The following CDKL3 variants were observed in gnomAD, a reference collection of about 807,000 sequenced individuals.
CDKL3 encodes the protein cyclin dependent kinase like 3, also known as cyclin-dependent kinase-like 3.
In CDKL3, 65 loss-of-function variants were observed where a neutral mutation model predicts 69.3. The observed-to-expected ratio is 0.94, with a 90% CI of 0.77 to 1.15. CDKL3 has a LOEUF of 1.15. Ranked by LOEUF, CDKL3 falls within the 50% of genes most tolerant of loss-of-function variation. CDKL3 has a pLI of 0.00. For missense variants in CDKL3, 652 were observed against 689.2 expected, an observed-to-expected ratio of 0.95 and a Z score of 0.61; for synonymous variants, 202 against 221.6, an observed-to-expected ratio of 0.91 and a Z score of 0.79.
chr5:134,284,724 G>T (rs956155266), downstream of CDKL3, among the ~76,000 whole-genome samples: 5 of 152,150 alleles, frequency 3.3e-5, no homozygotes, highest in African/African-American at 1.2e-4. Flanking sequence ...CTTTCCCAGG[G>T]TTATTCCTTG....
chr5:134,330,824 G>A (rs1010216039), intron 4 of CDKL3, among the ~76,000 whole-genome samples: 3 of 152,192 alleles, frequency 2.0e-5, no homozygotes, highest in African/African-American at 4.8e-5. Context: ...AAAATGCCTT[G>A]AGCATCCCAA....
intron 2 of CDKL3, among the ~76,000 whole-genome samples, chr5:134,364,715 A>G (rs939312695): frequency 1.3e-5 from 2 of 151,276 alleles, no homozygotes; most frequent in African/African-American, 4.9e-5. Flanking sequence ...GTTTCACTAC[A>G]TTGGCCAGGC....
intron 4 of CDKL3, among the ~76,000 whole-genome samples, chr5:134,337,521 T>C (rs1777417515): frequency 6.6e-6 from 1 of 152,140 alleles, no homozygotes; most frequent in Admixed American, 6.6e-5. Flanking sequence ...TTAAAACAAG[T>C]TATCCATTTG....
upstream of CDKL3, chr5:134,371,569 A>C: frequency 6.2e-7 from 1 of 1,607,560 alleles, no homozygotes; most frequent in Non-Finnish European, 8.5e-7. Flanking sequence ...TTTTTTTTTC[A>C]GACTGACCGC....
chr5:134,360,485 G>A (rs1755753174), intron 2 of CDKL3, among the ~76,000 whole-genome samples: 1 of 152,272 alleles, frequency 6.6e-6, no homozygotes, highest in Admixed American at 6.5e-5. Context: ...AATTGTAGGT[G>A]TGCACCATCA....
At position 134,318,848 on chromosome 5, in the gene CDKL3, TTA is replaced by T. The variant is rs1771921249; in HGVS notation, c.792+508_792+509del. Among the ~76,000 whole-genome samples, 3 of 152,124 alleles carry T rather than the reference TTA, an allele frequency of 2.0e-5. No homozygotes were observed. In the East Asian group the frequency reaches 5.8e-4, roughly 29 times the overall value. On this transcript the variant is annotated intron_variant, in intron 6 of 12. Coordinates refer to ENST00000265334, the MANE Select transcript of CDKL3 (RefSeq NM_001113575.2). Reference sequence around the variant, plus strand: ...GATAAATTAAATATAATGAACATAATTATCTTAGGGGGCATTCAGCTCTGACA... The same window carrying T: ...GATAAATTAAATATAATGAACATAATTCTTAGGGGGCATTCAGCTCTGACA...
At position 134,287,436 on chromosome 5, in the gene CDKL3, C is replaced by T. The variant is rs116862433; in HGVS notation, c.*678-877G>A. 4.2e-3 allele frequency among the ~76,000 whole-genome samples: 647 copies of T among 152,246 alleles called. 4 individuals carry two copies. Among genetic ancestry groups the T allele is most frequent in the East Asian group, 0.037 (190 of 5,186 alleles). ...TCTTCCAAAGGAAAGGTAATGAGTGCCACACAGCAGCAACCCACTGAGCAA... is the reference window on the plus strand; with the variant it reads ...TCTTCCAAAGGAAAGGTAATGAGTGTCACACAGCAGCAACCCACTGAGCAA... On this transcript the variant is annotated intron_variant and NMD_transcript_variant, in intron 8 of 8. Transcript: ENST00000519312.
chr5:134,300,086 C>G (rs990264813), intron 12 of CDKL3, among the ~76,000 whole-genome samples: 2 of 152,162 alleles, frequency 1.3e-5, no homozygotes, highest in Non-Finnish European at 2.9e-5. Context: ...CACCTGTAAT[C>G]CCAGCACTTT....
intron 8 of CDKL3, among the ~76,000 whole-genome samples, chr5:134,292,545 AAAG>A (rs1282090914): frequency 1.3e-5 from 2 of 152,060 alleles, no homozygotes; most frequent in African/African-American, 2.4e-5. Flanking sequence ...GAAGCTAGAA[AAAG>A]AAGAGCAAAT....
downstream of CDKL3, among the ~76,000 whole-genome samples, chr5:134,296,782 TACACACAC>T (rs36097045): frequency 1.7e-4 from 24 of 141,506 alleles, no homozygotes; most frequent in Non-Finnish European, 3.6e-4. Flanking sequence ...ACCCTGTCTC[TACACACAC>T]ACACACACAC....
intron 12 of CDKL3, among the ~76,000 whole-genome samples, chr5:134,299,087 T>A (rs953922822): frequency 6.6e-6 from 1 of 152,192 alleles, no homozygotes; most frequent in African/African-American, 2.4e-5. Context: ...CTGGCCAGAC[T>A]GGTCTCGAAC....
At chr5:134,371,448 G>A (rs1209263065), upstream of CDKL3, 3 of 1,013,758 alleles carry the variant, frequency 3.0e-6, no homozygotes, top group East Asian at 7.9e-5. Flanking sequence ...GGAGGGAGAC[G>A]TCATTGCAGG....
intron 8 of CDKL3, among the ~76,000 whole-genome samples, chr5:134,289,051 A>G (rs1316958277): frequency 6.6e-6 from 1 of 151,318 alleles, no homozygotes; most frequent in Non-Finnish European, 1.5e-5. Flanking sequence ...ACTCCCAACT[A>G]TTCAGGAGGC....
chr5:134,362,836 G>A (rs1581251740), intron 2 of CDKL3, among the ~76,000 whole-genome samples: 1 of 152,174 alleles, frequency 6.6e-6, no homozygotes, highest in Non-Finnish European at 1.5e-5. Context: ...GCTGAGGCAT[G>A]AGAATTGCTT....
intron 2 of CDKL3, 131 bp downstream of exon 2, chr5:134,366,228 A>AT: frequency 1.6e-6 from 1 of 628,168 alleles, no homozygotes; most frequent in Non-Finnish European, 2.6e-6. Flanking sequence ...CAAAATGTAG[A>AT]TAAGATAGAG....
chr5:134,325,749 T>C (rs1453482548), intron 4 of CDKL3, among the ~76,000 whole-genome samples: 1 of 151,598 alleles, frequency 6.6e-6, no homozygotes, highest in Non-Finnish European at 1.5e-5. Context: ...TTTAAGTTAA[T>C]TGTTATTATT....
chr5:134,342,553 T>C (rs1750763361), intron 4 of CDKL3, among the ~76,000 whole-genome samples: 1 of 151,834 alleles, frequency 6.6e-6, no homozygotes, highest in African/African-American at 2.4e-5. Flanking sequence ...TGAGCCGAGA[T>C]TGTGCCACTG....
intron 7 of CDKL3, among the ~76,000 whole-genome samples, chr5:134,310,125 C>T (rs764220080): frequency 6.6e-6 from 1 of 152,008 alleles, no homozygotes; most frequent in Non-Finnish European, 1.5e-5. Flanking sequence ...GCTACCATGC[C>T]CAGCCAATAA....
chr5:134,371,523 C>A, upstream of CDKL3: 4 of 1,556,252 alleles, frequency 2.6e-6, no homozygotes, highest in Non-Finnish European at 3.5e-6. Flanking sequence ...GTGATTCGGC[C>A]GCCGCGCCGG....
Sources: gnomAD v4.1 joint callset for allele counts (sites outside exome capture counted in the v4.1 genomes callset) on GRCh38, gnomAD v4.1.1 for gene constraint, MANE v1.5 for transcripts, NCBI Gene and HGNC (gene_info 2026-07-23, HGNC 2026-07-21) for gene names.